The following SGMS2 variants were observed in gnomAD, a reference collection of about 807,000 sequenced individuals.
SGMS2 encodes the protein sphingomyelin synthase 2.
SGMS2 carries 21 observed loss-of-function variants against 43.8 expected under a neutral mutation model. The ratio of observed to expected loss-of-function variants is 0.48; its 90% CI spans 0.34 to 0.69. The LOEUF is 0.69. Among genes scored for constraint, SGMS2 ranks in the 30% least tolerant of loss-of-function variants. The pLI is 0.01. For synonymous variants in SGMS2, 167 were observed against 160.6 expected (o/e 1.04, Z -0.30); for missense variants, 384 against 443.2 (o/e 0.87, Z 1.20).
intron 4 of SGMS2, among the ~76,000 whole-genome samples, chr4:107,902,869 A>C (rs1356795975): frequency 6.6e-6 from 1 of 152,200 alleles, no homozygotes; most frequent in Non-Finnish European, 1.5e-5. Flanking sequence ...AGCTGAATCA[A>C]ATATTAACCA....
chr4:107,845,327 G>T (rs1726750318), intron 1 of SGMS2, among the ~76,000 whole-genome samples: 1 of 152,206 alleles, frequency 6.6e-6, no homozygotes, highest in African/African-American at 2.4e-5. Flanking sequence ...TGCAGGAGTA[G>T]TAAAGGAGCC....
chr4:107,869,860 A>T (rs898773512), intron 2 of SGMS2, among the ~76,000 whole-genome samples: 2 of 152,148 alleles, frequency 1.3e-5, no homozygotes, highest in Non-Finnish European at 2.9e-5. Flanking sequence ...ATTTTTTCTT[A>T]AGTCAAAATA....
chr4:107,836,589 C>A (rs1388814586), intron 1 of SGMS2, among the ~76,000 whole-genome samples: 1 of 152,176 alleles, frequency 6.6e-6, no homozygotes, highest in Admixed American at 6.5e-5. Context: ...AGCTCTAGTG[C>A]ATCAATACAT....
chr4:107,894,378 A>C (rs1235239090), intron 2 of SGMS2: 1 of 152,294 alleles, frequency 6.6e-6, no homozygotes, highest in East Asian at 1.9e-4. Flanking sequence ...AGCAAGTATA[A>C]AAGAGGTGGC....
intron 2 of SGMS2, chr4:107,864,549 T>A (rs1727974648): frequency 6.6e-6 from 1 of 152,188 alleles, no homozygotes; most frequent in Admixed American, 6.5e-5. Flanking sequence ...CTCTGGTCAG[T>A]TGTACAACAT....
intron 2 of SGMS2, chr4:107,873,267 G>A (rs554787916): frequency 1.3e-5 from 2 of 151,464 alleles, no homozygotes; most frequent in Non-Finnish European, 2.9e-5. Flanking sequence ...CCTACGATTT[G>A]TCAGAGAAGG....
intron 2 of SGMS2, among the ~76,000 whole-genome samples, chr4:107,889,198 G>A (rs923013771): frequency 4.6e-5 from 7 of 152,156 alleles, no homozygotes; most frequent in African/African-American, 1.7e-4. Flanking sequence ...AATTCAAGAT[G>A]TAGCTATTTT....
At position 107,827,523 on chromosome 4, in the gene SGMS2, G is replaced by C. The variant is rs954838936; in HGVS notation, c.-327+2270G>C. Among the ~76,000 whole-genome samples, 9 of 152,332 alleles carry C rather than the reference G, an allele frequency of 5.9e-5. 1 individual carries two copies. In the South Asian group the frequency reaches 1.9e-3, roughly 32 times the overall value. On this transcript the variant is annotated intron_variant, in intron 1 of 6. Transcript: ENST00000690982. ...ATCTGGTGGCATTCTGAATGGTCTTGAATAGGGGCTCGTAAATTCTTTATG... is the reference window on the plus strand; with the variant it reads ...ATCTGGTGGCATTCTGAATGGTCTTCAATAGGGGCTCGTAAATTCTTTATG...
At chr4:107,855,856 C>A (rs1014576443) in intron 1 of SGMS2, among the ~76,000 whole-genome samples, 2 of 151,982 alleles carry the variant, frequency 1.3e-5, no homozygotes, top group African/African-American at 4.8e-5. Flanking sequence ...TTTATATAAC[C>A]TTTGATTCTT....
chr4:107,890,366 C>T (rs1730100286), intron 2 of SGMS2, among the ~76,000 whole-genome samples: 1 of 151,984 alleles, frequency 6.6e-6, no homozygotes, highest in African/African-American at 2.4e-5. Flanking sequence ...ATCCAGTCAA[C>T]TGAGAAGAAA....
chr4:107,900,641 T>C (rs1380407367), intron 4 of SGMS2, among the ~76,000 whole-genome samples: 1 of 152,102 alleles, frequency 6.6e-6, no homozygotes, highest in Admixed American at 6.5e-5. Context: ...GAGCTGTTAA[T>C]CATCTCGGAC....
rs1732061050 is a variant in SGMS2 at position 107,910,780 on chromosome 4, C to T, written c.*227C>T. ...GCTCTTCATTCATTGGTGACAAGCC[C>T]CCACCCCGGGACTTTACTAATGAGC... On this transcript the variant is annotated 3_prime_UTR_variant, in exon 7 of 7. Transcript: ENST00000690982. 1 of 503,164 alleles carries T rather than the reference C, an allele frequency of 2.0e-6. No individual in the cohort carries two copies. Among genetic ancestry groups the T allele is most frequent in the Non-Finnish European group, 3.5e-6 (1 of 284,922 alleles). 31.2% of individuals were successfully genotyped at this position (503,164 alleles called of 1,614,324 possible). A position where few individuals can be genotyped will look rare whatever the true frequency, so the allele number is the denominator to read the frequency against.
intron 3 of SGMS2, among the ~76,000 whole-genome samples, chr4:107,898,615 G>A (rs919688611): frequency 3.9e-5 from 6 of 152,278 alleles, no homozygotes; most frequent in Admixed American, 1.3e-4. Flanking sequence ...AGAGCCCAGA[G>A]CTGACAGACC....
intron 2 of SGMS2, among the ~76,000 whole-genome samples, chr4:107,870,134 C>G (rs980939887): frequency 2.6e-5 from 4 of 152,154 alleles, no homozygotes; most frequent in African/African-American, 4.8e-5. Flanking sequence ...TTCCTAATAA[C>G]TATATCAGCC....
chr4:107,867,184 T>C (rs1411189933), intron 2 of SGMS2: 1 of 152,198 alleles, frequency 6.6e-6, no homozygotes, highest in African/African-American at 2.4e-5. Context: ...CTCCACATAG[T>C]TCACAACACA....
intron 2 of SGMS2, among the ~76,000 whole-genome samples, chr4:107,889,020 C>T (rs142002756): frequency 6.6e-6 from 1 of 152,254 alleles, no homozygotes; most frequent in Non-Finnish European, 1.5e-5. Flanking sequence ...CTTTTAGCCT[C>T]CAATCTGTCC....
intron 1 of SGMS2, among the ~76,000 whole-genome samples, chr4:107,851,140 G>A (rs961052807): frequency 9.2e-5 from 14 of 152,172 alleles, no homozygotes; most frequent in African/African-American, 3.1e-4. Context: ...ATGCTAATAT[G>A]CAACTTGCTT....
chr4:107,895,466 C>A lies in SGMS2; in HGVS notation c.-88C>A. ...GTCCATTGTAAGAGTCCATGTTGAT[C>A]TTGGAAATAGAAGGATTGAAAAAAG... On this transcript the variant is annotated 5_prime_UTR_variant, in exon 3 of 7. Coordinates refer to ENST00000690982, the MANE Select transcript of SGMS2 (RefSeq NM_001375905.1). 1 of 1,338,822 alleles carries A rather than the reference C, an allele frequency of 7.5e-7. No individual in the cohort carries two copies. The highest frequency in any genetic ancestry group is 1.0e-6 in the Non-Finnish European group (1 of 972,046). 82.9% of individuals were successfully genotyped at this position (1,338,822 alleles called of 1,614,324 possible).
intron 1 of SGMS2, among the ~76,000 whole-genome samples, chr4:107,829,664 G>A (rs966334852): frequency 5.3e-5 from 8 of 152,052 alleles, no homozygotes; most frequent in Admixed American, 4.6e-4. Flanking sequence ...CTAAACTTGT[G>A]CAACTAACTG....
Sources: gnomAD v4.1 joint callset for allele counts (sites outside exome capture counted in the v4.1 genomes callset) on GRCh38, gnomAD v4.1.1 for gene constraint, MANE v1.5 for transcripts, NCBI Gene and HGNC (gene_info 2026-07-23, HGNC 2026-07-21) for gene names.